DDX39A: variants seen among roughly 807,000 people sequenced by gnomAD.
DDX39A encodes the protein DExD-box helicase 39A, also known as ATP-dependent RNA helicase DDX39A.
Under a neutral mutation model 46.3 loss-of-function variants are expected in DDX39A, and 13 were observed. That is an observed-to-expected ratio of 0.28 (90% CI 0.18 to 0.45). DDX39A has a LOEUF of 0.45. Ranked by LOEUF, DDX39A falls within the 20% of genes least tolerant of loss-of-function variation. The pLI, the probability that DDX39A is intolerant of heterozygous loss-of-function variation, is 1.00. For missense variants in DDX39A, 352 were observed against 581.8 expected (o/e 0.61, Z 4.06); for synonymous variants, 234 against 224.6 (o/e 1.04, Z -0.38).
chr19:14,409,028 G>A lies in DDX39A; in HGVS notation c.1267+9C>T. The A allele has an allele frequency of 6.2e-7, 1 of 1,614,174 alleles. No homozygotes were observed. The highest frequency in any genetic ancestry group is 8.5e-7 in the Non-Finnish European group (1 of 1,180,022). On this transcript the variant is annotated intron_variant, in intron 10 of 10. Coordinates refer to ENST00000242776, the MANE Select transcript of DDX39A (RefSeq NM_005804.4). This position sits in a 1 kb window ranked among gnomAD's most constrained non-coding sequence, Gnocchi z 8.3. ...GCCCCAGACCCCTGGCCCTGCCCAA[G>A]GCACTTACTGTATGTGGAGATGTCG...
In DDX39A at chr19:14,409,754, C is replaced by T; in HGVS notation, c.852G>A (p.Leu284=). The T allele has an allele frequency of 1.9e-6, 3 of 1,614,190 alleles. No homozygotes were observed. Among genetic ancestry groups the T allele is most frequent in the South Asian group, 1.1e-5 (1 of 91,086 alleles). Residue 284 remains leucine (L), a synonymous_variant, in exon 7 of 11, where the codon CTG becomes CTA. Coordinates refer to ENST00000242776, the MANE Select transcript of DDX39A (RefSeq NM_005804.4). This position sits in a 1 kb window ranked among gnomAD's most constrained non-coding sequence, Gnocchi z 8.3. ...NRKLFDLLDV[L]EFNQVIIFVK... The stretch of plus-strand genomic sequence containing the variant: ...ATGGAAGTATCACCTGGTTAAACTC[C>T]AGCACATCCAAGAGATCAAAGAGCT...
In DDX39A at chr19:14,410,573, G is replaced by A. The variant is rs1041233995; in HGVS notation, c.614-239C>T. 409 of 548,492 alleles carry A rather than the reference G, an allele frequency of 7.5e-4. 6 individuals carry two copies. Among genetic ancestry groups the A allele is most frequent in the South Asian group, 4.1e-3 (204 of 49,986 alleles). The allele number at this position is 548,492 out of a possible 1,614,324, so 34.0% of individuals were successfully genotyped here. A position where few individuals can be genotyped will look rare whatever the true frequency, so the allele number is the denominator to read the frequency against. ...ACGCTGGCGCGGAGCAGCCGTGCCC[G>A]TGCGCCTCGAGCCACGCTTCAGGGA... On this transcript the variant is annotated intron_variant, in intron 5 of 10. Coordinates refer to ENST00000242776, the MANE Select transcript of DDX39A (RefSeq NM_005804.4). This position sits in a 1 kb window ranked among gnomAD's most constrained non-coding sequence, Gnocchi z 4.3.
Position 14,411,486 on chromosome 19 carries a change from G to T in DDX39A, c.429+20C>A. ...CAGAAACCAAGTGGCGCCTGGTCCA[G>T]TCTGGCCCGAGGGACTCACCTTGAC... On this transcript the variant is annotated intron_variant, in intron 4 of 10. Coordinates refer to ENST00000242776, the MANE Select transcript of DDX39A (RefSeq NM_005804.4). This position sits in a 1 kb window ranked among gnomAD's most constrained non-coding sequence, Gnocchi z 4.1. 6.2e-7 allele frequency: 1 copy of T among 1,609,028 alleles called. No homozygotes were observed. Among genetic ancestry groups the T allele is most frequent in the Non-Finnish European group, 8.5e-7 (1 of 1,175,394 alleles).
In DDX39A at chr19:14,409,089, C is replaced by A. The variant is rs751857619; in HGVS notation, c.1215G>T (p.Arg405=). ...GAAGTTCTGCCACATTAACTTCAAA[C>A]CGGTCCTGGACGTCATTGAGGATTT... ...DAKILNDVQD[R]FEVNVAELPE... is the part of the protein sequence containing the mutation. The change falls in exon 10 of 11, where the codon CGG becomes CGT. Residue 405 remains arginine (R), a synonymous_variant. Transcript: ENST00000242776. This position sits in a 1 kb window ranked among gnomAD's most constrained non-coding sequence, Gnocchi z 8.3. 1 of 1,614,204 alleles carries A rather than the reference C, an allele frequency of 6.2e-7. No homozygotes were observed. The highest frequency in any genetic ancestry group is 1.3e-5 in the African/African-American group (1 of 75,056).
At position 14,412,242 on chromosome 19, in the gene DDX39A, C is replaced by G; in HGVS notation, c.336+309G>C. On this transcript the variant is annotated intron_variant, in intron 3 of 10. Coordinates refer to ENST00000242776, the MANE Select transcript of DDX39A (RefSeq NM_005804.4). This position sits in a 1 kb window ranked among gnomAD's most constrained non-coding sequence, Gnocchi z 4.4. ...GACACTCTCTAGGTAAGTGGCACGG[C>G]AAAACAGCAACGATGCCTCTGGGGC... is the stretch of plus-strand genomic sequence containing the variant. 3.0e-6 allele frequency: 1 copy of G among 338,474 alleles called. No individual in the cohort carries two copies. Among genetic ancestry groups the G allele is most frequent in the East Asian group, 6.7e-5 (1 of 14,954 alleles). 21.0% of individuals were successfully genotyped at this position (338,474 alleles called of 1,614,324 possible).
At chr19:14,418,943 C>G (rs932911485) in intron 1 of DDX39A, 3 of 456,148 alleles carry the variant, frequency 6.6e-6, no homozygotes, top group Non-Finnish European at 1.3e-5. Context: ...TCGTCCCTCT[C>G]CAAATGGCCC....
In DDX39A at chr19:14,419,257, AT is replaced by A. The variant is rs1244728740; in HGVS notation, c.-5+12del. On this transcript the variant is annotated intron_variant, in intron 1 of 10. Coordinates refer to ENST00000242776, the MANE Select transcript of DDX39A (RefSeq NM_005804.4). ...CCCACACCGCGGCCCCGCGCCCGGG[AT>A]CCGCTGCTCACCTGGCTCCCCGTTC... 3 of 278,934 alleles carry A rather than the reference AT, an allele frequency of 1.1e-5. No homozygotes were observed. The highest frequency in any genetic ancestry group is 2.1e-5 in the Non-Finnish European group (3 of 140,038). 17.3% of individuals were successfully genotyped at this position (278,934 alleles called of 1,614,324 possible).
chr19:14,413,280 T>G, intron 1 of DDX39A, 56 bp from the exon 2 acceptor site: 1 of 1,497,450 alleles, frequency 6.7e-7, no homozygotes, highest in Non-Finnish European at 9.1e-7. Context: ...TGATGAAGCT[T>G]CATTCAAATG....
chr19:14,411,371 G>A lies in DDX39A; in HGVS notation c.429+135C>T, dbSNP rs1008746788. On this transcript the variant is annotated intron_variant, in intron 4 of 10. Transcript: ENST00000242776. This position sits in a 1 kb window ranked among gnomAD's most constrained non-coding sequence, Gnocchi z 4.1. Reference sequence around the variant, plus strand: ...CATGCATAATTCATCAGGCTTTTAAGGAGCAAAAACCACCGCAAACCTCAA... The same window carrying A: ...CATGCATAATTCATCAGGCTTTTAAAGAGCAAAAACCACCGCAAACCTCAA... 2.1e-5 allele frequency: 22 copies of A among 1,046,160 alleles called. No homozygotes were observed. Among genetic ancestry groups the A allele is most frequent in the Non-Finnish European group, 3.0e-5 (21 of 707,338 alleles). The allele number at this position is 1,046,160 out of a possible 1,614,324, so 64.8% of individuals were successfully genotyped here.
Position 14,412,608 on chromosome 19 carries a change from GC to G in DDX39A, c.278del (p.Gly93AlafsTer21). The part of the protein sequence containing the change: ...DVLCQAKSGM[G>X]KTAVFVLATL... ...TGGCCAGCACGAAGACCGCTGTCTT[GC>G]CCATCCCGGACTTGGCCTGGCACAG... On this transcript the variant is annotated frameshift_variant, in exon 3 of 11. Coordinates refer to ENST00000242776, the MANE Select transcript of DDX39A (RefSeq NM_005804.4). LOFTEE classifies it high-confidence loss of function. The surrounding 1 kb of genome is among the most constrained non-coding windows in gnomAD (Gnocchi z 4.4). 6.2e-7 allele frequency: 1 copy of G among 1,611,020 alleles called. No homozygotes were observed.
At chr19:14,419,182 C>T in intron 1 of DDX39A, 88 bp downstream of exon 1, 1 of 343,260 alleles carries the variant, frequency 2.9e-6, no homozygotes, top group Non-Finnish European at 5.7e-6. Flanking sequence ...CTCCCCCTCC[C>T]CTTAGATCCC....
chr19:14,410,393 C>A lies in DDX39A; in HGVS notation c.614-59G>T. 6.8e-7 allele frequency: 1 copy of A among 1,474,282 alleles called. No individual in the cohort carries two copies. 91.3% of individuals were successfully genotyped at this position (1,474,282 alleles called of 1,614,324 possible). A position where few individuals can be genotyped will look rare whatever the true frequency, so the allele number is the denominator to read the frequency against. On this transcript the variant is annotated intron_variant, in intron 5 of 10. Transcript: ENST00000242776. The surrounding 1 kb of genome is among the most constrained non-coding windows in gnomAD (Gnocchi z 4.3). ...AGCGTCTGCCATGCAGGACCCCCAC[C>A]CCAGACCAGACCCAGACCCCTCCCA... is the stretch of plus-strand genomic sequence containing the variant.
rs748432095 is a variant in DDX39A at position 14,409,413 on chromosome 19, G to T, written c.1009C>A (p.Arg337=). 6 of 1,614,074 alleles carry T rather than the reference G, an allele frequency of 3.7e-6. No homozygotes were observed. The East Asian group carries it at 1.3e-4, about 36-fold the overall frequency. The change falls in exon 9 of 11, where the codon CGG becomes AGG. Residue 337 remains arginine (R), a synonymous_variant. Transcript: ENST00000242776. The surrounding 1 kb of genome is among the most constrained non-coding windows in gnomAD (Gnocchi z 8.3). ...SRYQQFKDFQ[R]RILVATNLFG... ...AGATTGGTGGCCACCAGGATCCGCC[G>T]CTGGAAATCCTTGAACTGCTGATAG...
At position 14,409,173 on chromosome 19, in the gene DDX39A, C is replaced by T. The variant is rs375502494; in HGVS notation, c.1131G>A (p.Ala377=). The part of the protein sequence containing the change: ...SDTYLHRVAR[A]GRFGTKGLAI... ...CTAGGCCTTTGGTGCCAAAGCGACC[C>T]GCCCGGGCCACCTGCAGGCAGACAG... The change falls in exon 10 of 11, where the codon GCG becomes GCA. Residue 377 remains alanine, a synonymous_variant. Coordinates refer to ENST00000242776, the MANE Select transcript of DDX39A (RefSeq NM_005804.4). This position sits in a 1 kb window ranked among gnomAD's most constrained non-coding sequence, Gnocchi z 8.3. The T allele has an allele frequency of 1.1e-5, 18 of 1,614,028 alleles. No individual in the cohort carries two copies. The highest frequency in any genetic ancestry group is 5.3e-5 in the African/African-American group (4 of 74,916).
In DDX39A at chr19:14,412,699, G is replaced by T; in HGVS notation, c.209-21C>A. 1.3e-6 allele frequency: 2 copies of T among 1,589,960 alleles called. No homozygotes were observed. On this transcript the variant is annotated intron_variant, in intron 2 of 10. Transcript: ENST00000242776. This position sits in a 1 kb window ranked among gnomAD's most constrained non-coding sequence, Gnocchi z 4.4. ...CTGGACTGCAGGAGAAGCAGAGCGT[G>T]AGGGACGAGAACCTGGATGCACCCC...
intron 1 of DDX39A, among the ~76,000 whole-genome samples, chr19:14,417,993 AC>A (rs1360260234): frequency 1.3e-5 from 2 of 151,562 alleles, no homozygotes; most frequent in Non-Finnish European, 2.9e-5. Flanking sequence ...ACATGGTGAA[AC>A]CCCGTCTCTA....
At position 14,410,107 on chromosome 19, in the gene DDX39A, CTCCCAGCA is replaced by C. The variant is rs369055670; in HGVS notation, c.732+101_732+108del. On this transcript the variant is annotated intron_variant, in intron 6 of 10. Coordinates refer to ENST00000242776, the MANE Select transcript of DDX39A (RefSeq NM_005804.4). This position sits in a 1 kb window ranked among gnomAD's most constrained non-coding sequence, Gnocchi z 4.3. ...AGGGGAGGAAAGGAGGCTCCGCCGG[CTCCCAGCA>C]TCCCAGCATCCTCCGTGCCATGTGG... The C allele has an allele frequency of 3.4e-5, 39 of 1,154,580 alleles. No individual in the cohort carries two copies. The East Asian group carries it at 4.9e-4, about 15-fold the overall frequency. The allele number at this position is 1,154,580 out of a possible 1,614,324, so 71.5% of individuals were successfully genotyped here.
chr19:14,409,034 T>A lies in DDX39A; in HGVS notation c.1267+3A>T. The stretch of plus-strand genomic sequence containing the variant: ...GACCCCTGGCCCTGCCCAAGGCACT[T>A]ACTGTATGTGGAGATGTCGATTTCC... On this transcript the variant is annotated splice_donor_region_variant and intron_variant, in intron 10 of 10. Transcript: ENST00000242776. This position sits in a 1 kb window ranked among gnomAD's most constrained non-coding sequence, Gnocchi z 8.3. 6.2e-7 allele frequency: 1 copy of A among 1,614,192 alleles called. No individual in the cohort carries two copies. The highest frequency in any genetic ancestry group is 8.5e-7 in the Non-Finnish European group (1 of 1,180,030).
Position 14,409,680 on chromosome 19 carries a change from C to T in DDX39A, c.865-35G>A, listed in dbSNP as rs1353961635. 1.2e-6 allele frequency: 2 copies of T among 1,610,554 alleles called. No homozygotes were observed. Among genetic ancestry groups the T allele is most frequent in the African/African-American group, 2.7e-5 (2 of 74,850 alleles). ...GGAGTGGCAGTCAGGGCCACACAGT[C>T]CCTGTGGCCCAGTGACCTCCCGAAG... is the stretch of plus-strand genomic sequence containing the variant. On this transcript the variant is annotated intron_variant, in intron 7 of 10. Coordinates refer to ENST00000242776, the MANE Select transcript of DDX39A (RefSeq NM_005804.4). This position sits in a 1 kb window ranked among gnomAD's most constrained non-coding sequence, Gnocchi z 8.3.
Sources: allele counts gnomAD v4.1 joint callset (sites outside exome capture counted in the v4.1 genomes callset), GRCh38; gene constraint gnomAD v4.1.1; non-coding constraint Gnocchi (gnomAD v3.1); transcripts MANE v1.5; gene names NCBI Gene and HGNC (gene_info 2026-07-23, HGNC 2026-07-21).